PRRX1: variants seen among roughly 807,000 people sequenced by gnomAD.
The protein encoded by PRRX1 is paired mesoderm homeobox protein 1.
In PRRX1, 8 loss-of-function variants were observed where a neutral mutation model predicts 24.0. The observed-to-expected ratio is 0.33, with a 90% CI of 0.20 to 0.60. PRRX1 has a LOEUF of 0.60. Among genes scored for constraint, PRRX1 ranks in the 20% least tolerant of loss-of-function variants. The pLI is 0.82. For missense variants in PRRX1, 281 were observed against 322.4 expected (o/e 0.87, Z 0.98); for synonymous variants, 160 against 131.7 (o/e 1.22, Z -1.47).
intron 1 of PRRX1, among the ~76,000 whole-genome samples, chr1:170,693,884 G>T (rs542419331): frequency 6.6e-6 from 1 of 151,986 alleles, no homozygotes; most frequent in Non-Finnish European, 1.5e-5. Context: ...ACTCAGGCAA[G>T]GTTTGTGCCC....
intron 1 of PRRX1, among the ~76,000 whole-genome samples, chr1:170,696,691 A>C (rs1370041433): frequency 6.6e-6 from 1 of 152,212 alleles, no homozygotes; most frequent in Non-Finnish European, 1.5e-5. Context: ...GTCAAATAAA[A>C]TGAATTCTCA....
intron 1 of PRRX1, among the ~76,000 whole-genome samples, chr1:170,683,949 T>C (rs1340994102): frequency 6.6e-6 from 1 of 152,188 alleles, no homozygotes; most frequent in Admixed American, 6.5e-5. Context: ...ATCAGAAAAT[T>C]ATACCCACCA....
chr1:170,664,999 G>T (rs962797281), intron 1 of PRRX1, among the ~76,000 whole-genome samples: 2 of 152,242 alleles, frequency 1.3e-5, no homozygotes, highest in Non-Finnish European at 2.9e-5. Flanking sequence ...AAGGCCGGGC[G>T]CGACCGGGAG....
intron 3 of PRRX1, chr1:170,727,715 TC>T (rs1655302955): frequency 6.6e-6 from 1 of 152,192 alleles, no homozygotes; most frequent in African/African-American, 2.4e-5. Flanking sequence ...TAGCCTGAAT[TC>T]TTTTTGTCTT....
chr1:170,734,289 C>A (rs914771326), intron 3 of PRRX1, among the ~76,000 whole-genome samples: 1 of 148,980 alleles, frequency 6.7e-6, no homozygotes, highest in Non-Finnish European at 1.5e-5. Flanking sequence ...TGACATCGAG[C>A]AGGAATCAAT....
intron 3 of PRRX1, chr1:170,730,174 C>G (rs1558063758): frequency 1.0e-6 from 1 of 987,488 alleles, no homozygotes; most frequent in Non-Finnish European, 1.6e-6. Context: ...CACAGCTTCC[C>G]TCCCCATCCT....
chr1:170,686,624 G>A (rs535487642), intron 1 of PRRX1, among the ~76,000 whole-genome samples: 4 of 152,256 alleles, frequency 2.6e-5, no homozygotes, highest in East Asian at 3.9e-4. Flanking sequence ...GGAGACGGGC[G>A]GCTGCAGCGG....
At chr1:170,726,187 C>T in intron 2 of PRRX1, 33 bp from the exon 3 acceptor site, 4 of 1,594,748 alleles carry the variant, frequency 2.5e-6, no homozygotes, top group Non-Finnish European at 3.4e-6. Flanking sequence ...CCTCTCTTTC[C>T]TTATGCCTTC....
intron 1 of PRRX1, among the ~76,000 whole-genome samples, chr1:170,677,750 C>A (rs978576935): frequency 6.6e-6 from 1 of 152,164 alleles, no homozygotes; most frequent in Non-Finnish European, 1.5e-5. Context: ...TGGTTATCAC[C>A]TTTAGGTCAC....
chr1:170,686,369 CG>C (rs1371401432), intron 1 of PRRX1, among the ~76,000 whole-genome samples: 1 of 151,932 alleles, frequency 6.6e-6, no homozygotes, highest in Non-Finnish European at 1.5e-5. Flanking sequence ...AGCACTGGGG[CG>C]TAGGGGAAGC....
intron 1 of PRRX1, among the ~76,000 whole-genome samples, chr1:170,694,631 G>C (rs1045122459): frequency 4.6e-5 from 7 of 152,210 alleles, no homozygotes; most frequent in African/African-American, 1.7e-4. Flanking sequence ...AGTATTTACC[G>C]CTGTTTTAAG....
chr1:170,684,088 C>T (rs1456235946), intron 1 of PRRX1, among the ~76,000 whole-genome samples: 5 of 152,158 alleles, frequency 3.3e-5, no homozygotes, highest in Non-Finnish European at 5.9e-5. Context: ...AAAATTGTGC[C>T]TCACATAGTT....
At chr1:170,686,873 A>G (rs1236068517) in intron 1 of PRRX1, among the ~76,000 whole-genome samples, 1 of 152,186 alleles carries the variant, frequency 6.6e-6, no homozygotes, top group African/African-American at 2.4e-5. Flanking sequence ...AGACAGAACT[A>G]TAATAACATT....
At chr1:170,719,078 G>A (rs916727277) in intron 1 of PRRX1, among the ~76,000 whole-genome samples, 2 of 152,148 alleles carry the variant, frequency 1.3e-5, no homozygotes, top group African/African-American at 4.8e-5. Context: ...ATGTTAGCTT[G>A]GGTTGATGGC....
At chr1:170,682,124 T>A (rs962429064) in intron 1 of PRRX1, among the ~76,000 whole-genome samples, 1 of 152,034 alleles carries the variant, frequency 6.6e-6, no homozygotes, top group South Asian at 2.1e-4. Flanking sequence ...CTGGAAGAAA[T>A]AGATTTGTGG....
At position 170,730,664 on chromosome 1, in the gene PRRX1, T is replaced by C. The variant is rs181586067; in HGVS notation, c.599+4263T>C. ...GTATCTCTAACTTGCTTCTAGGTGA[T>C]GCTGATGCTGTTGACACTTGGTACA... On this transcript the variant is annotated intron_variant, in intron 3 of 3. Transcript: ENST00000239461. 2,634 of 297,222 alleles carry C rather than the reference T, an allele frequency of 8.9e-3. 68 individuals carry two copies. The highest frequency in any genetic ancestry group is 8.4e-3 in the Non-Finnish European group (1,322 of 157,198). 18.4% of individuals were successfully genotyped at this position (297,222 alleles called of 1,614,324 possible). A position where few individuals can be genotyped will look rare whatever the true frequency, so the allele number is the denominator to read the frequency against.
At chr1:170,701,871 C>T (rs1218766750) in intron 1 of PRRX1, among the ~76,000 whole-genome samples, 2 of 152,008 alleles carry the variant, frequency 1.3e-5, no homozygotes, top group African/African-American at 2.4e-5. Context: ...TGGGAACACT[C>T]AAAATCCTCT....
chr1:170,734,224 T>TA lies in PRRX1; in HGVS notation c.600-1824_600-1823insA, dbSNP rs1491587754. Among the ~76,000 whole-genome samples, 4 of 3,724 alleles carry TA rather than the reference T, an allele frequency of 1.1e-3. No homozygotes were observed. In the Admixed American group the frequency reaches 0.013, roughly 12 times the overall value. The allele number at this position is 3,724 out of a possible 152,430, so 2.4% of individuals were successfully genotyped here. A position where few individuals can be genotyped will look rare whatever the true frequency, so the allele number is the denominator to read the frequency against. ...TATGAATAAAAGCATATTGGTAAGA[T>TA]TTTTTTTTTTTTTTTTTTAGAAATC... On this transcript the variant is annotated intron_variant, in intron 3 of 3. Transcript: ENST00000239461.
chr1:170,715,989 C>A (rs954024447), intron 1 of PRRX1, among the ~76,000 whole-genome samples: 1 of 152,142 alleles, frequency 6.6e-6, no homozygotes, highest in Non-Finnish European at 1.5e-5. Flanking sequence ...ATCCTGGTTT[C>A]TTGCTCTGGC....
Sources: allele counts gnomAD v4.1 joint callset (sites outside exome capture counted in the v4.1 genomes callset), GRCh38; gene constraint gnomAD v4.1.1; transcripts MANE v1.5; gene names NCBI Gene and HGNC (gene_info 2026-07-23, HGNC 2026-07-21).